Variants in GTPBP10 observed in about 807,000 individuals in gnomAD.
GTPBP10 encodes the protein GTP binding protein 10, also known as GTP-binding protein 10.
Under a neutral mutation model 44.8 loss-of-function variants are expected in GTPBP10, and 38 were observed. The ratio of observed to expected loss-of-function variants is 0.85; its 90% CI spans 0.65 to 1.11. GTPBP10 has a LOEUF of 1.11. Ranked by LOEUF, GTPBP10 falls within the 50% of genes most tolerant of loss-of-function variation. The probability of loss-of-function intolerance (pLI) is 0.00; values close to 1 mark genes in which losing one functional copy is unlikely to be tolerated. For synonymous variants in GTPBP10, 152 were observed against 150.6 expected (o/e 1.01, Z -0.07); for missense variants, 462 against 453.7 (o/e 1.02, Z -0.17).
chr7:90,377,652 T>C (rs775954414), intron 7 of GTPBP10, 38 bp downstream of exon 7: 4 of 1,328,016 alleles, frequency 3.0e-6, no homozygotes, highest in Non-Finnish European at 4.2e-6. Context: ...TTCAAATAAA[T>C]TGAAAACCAG....
intron 1 of GTPBP10, among the ~76,000 whole-genome samples, chr7:90,352,169 G>A (rs573026441): frequency 6.6e-6 from 1 of 152,334 alleles, no homozygotes; most frequent in East Asian, 1.9e-4. Flanking sequence ...GTACTGGAGA[G>A]AAGAGAGTAG....
At chr7:90,346,998 G>C (rs1228992831) in intron 1 of GTPBP10, among the ~76,000 whole-genome samples, 1 of 152,198 alleles carries the variant, frequency 6.6e-6, no homozygotes, top group Non-Finnish European at 1.5e-5. Context: ...GGCAGGGTTT[G>C]AAGTTCTTTA....
intron 3 of GTPBP10, 123 bp downstream of exon 3, chr7:90,354,672 A>T: frequency 1.9e-6 from 1 of 534,968 alleles, no homozygotes; most frequent in Non-Finnish European, 3.3e-6. Flanking sequence ...CTATTCTATA[A>T]GAGAGCATTT....
At chr7:90,354,086 C>T (rs1052914676) in intron 2 of GTPBP10, among the ~76,000 whole-genome samples, 3 of 151,978 alleles carry the variant, frequency 2.0e-5, no homozygotes, top group Non-Finnish European at 4.4e-5. Context: ...CTCCTGCCTC[C>T]GCCTCCCAAA....
chr7:90,354,542 A>G lies in GTPBP10; in HGVS notation c.312A>G (p.Lys104=). 1 of 1,550,948 alleles carries G rather than the reference A, an allele frequency of 6.4e-7. No homozygotes were observed. Among genetic ancestry groups the G allele is most frequent in the African/African-American group, 1.4e-5 (1 of 72,460 alleles). The change falls in exon 3 of 10, where the codon AAA becomes AAG. Residue 104 remains lysine (K), a synonymous_variant. Coordinates refer to ENST00000222511, the MANE Select transcript of GTPBP10 (RefSeq NM_033107.4). Reference sequence around the variant, plus strand: ...TTTCAGTAACTGATGAAAATGGTAAAATTATAGGTGAGTGTACTATAACTC... The same window carrying G: ...TTTCAGTAACTGATGAAAATGGTAAGATTATAGGTGAGTGTACTATAACTC... The part of the protein sequence containing the change: ...VGISVTDENG[K]IIGELNKEND...
chr7:90,390,295 A>AGTT lies in GTPBP10; in HGVS notation c.*5144_*5146dup, dbSNP rs1308745466. The AGTT allele has an allele frequency of 6.6e-6, 1 of 152,196 alleles. No individual in the cohort carries two copies. The highest frequency in any genetic ancestry group is 1.9e-4 in the East Asian group (1 of 5,188). The allele number at this position is 152,196 out of a possible 1,614,324, so 9.4% of individuals were successfully genotyped here. ...TCTCTCTGGATAGCTCAGAAGTATC[A>AGTT]GTTGTGGTTATTGCCTCACTTGGCT... is the stretch of plus-strand genomic sequence containing the variant. On this transcript the variant is annotated 3_prime_UTR_variant, in exon 10 of 10. Coordinates refer to ENST00000222511, the MANE Select transcript of GTPBP10 (RefSeq NM_033107.4).
At chr7:90,346,989 G>T (rs1161462943) in intron 1 of GTPBP10, among the ~76,000 whole-genome samples, 2 of 152,210 alleles carry the variant, frequency 1.3e-5, no homozygotes, top group African/African-American at 4.8e-5. Context: ...GGGGGCAGGG[G>T]CAGGGTTTGA....
At chr7:90,359,582 A>T (rs1309699536) in intron 4 of GTPBP10, among the ~76,000 whole-genome samples, 4 of 152,210 alleles carry the variant, frequency 2.6e-5, no homozygotes, top group Non-Finnish European at 5.9e-5. Flanking sequence ...TGCTATTGTG[A>T]ATAGTGCCAC....
intron 8 of GTPBP10, among the ~76,000 whole-genome samples, chr7:90,380,103 G>T (rs1796409188): frequency 7.3e-6 from 1 of 136,652 alleles, no homozygotes; most frequent in African/African-American, 2.7e-5. Flanking sequence ...TTTTGAGATG[G>T]AGTCTCACTC....
intron 3 of GTPBP10, among the ~76,000 whole-genome samples, chr7:90,354,772 G>A (rs1795862000): frequency 6.6e-6 from 1 of 151,982 alleles, no homozygotes. Context: ...TATATAACTA[G>A]GCTCTTTTCA....
At position 90,352,834 on chromosome 7, in the gene GTPBP10, A is replaced by AGCTT. The variant is rs745590686; in HGVS notation, c.52_53insGCTT (p.Lys18SerfsTer28). ...TTTTAAGTATGGAAATTTCATCGAT[A>AGCTT]AGCTAAGACTCTTCACCAGGGGAGG... On this transcript the variant is annotated frameshift_variant, in exon 2 of 10. Transcript: ENST00000222511. LOFTEE classifies it high-confidence loss of function. 6.3e-7 allele frequency: 1 copy of AGCTT among 1,587,002 alleles called. No homozygotes were observed. The highest frequency in any genetic ancestry group is 8.5e-7 in the Non-Finnish European group (1 of 1,171,656).
rs564385330 is a variant in GTPBP10 at position 90,376,010 on chromosome 7, A to C, written c.592-1497A>C. 1.1e-4 allele frequency among the ~76,000 whole-genome samples: 16 copies of C among 151,226 alleles called. No homozygotes were observed. The South Asian group carries it at 3.1e-3, about 30-fold the overall frequency. ...GGGAGGCCAAGGCAGGCAGATCACG[A>C]GGTTAGGAGATCGAGACCATCCTGG... On this transcript the variant is annotated intron_variant, in intron 6 of 9. Coordinates refer to ENST00000222511, the MANE Select transcript of GTPBP10 (RefSeq NM_033107.4).
At chr7:90,384,819 C>A in intron 9 of GTPBP10, 73 bp from the exon 10 acceptor site, 3 of 1,416,588 alleles carry the variant, frequency 2.1e-6, no homozygotes, top group East Asian at 2.3e-5. Context: ...CTTCACAAAT[C>A]AAACCATTAA....
In GTPBP10 at chr7:90,346,738, A is replaced by G. The variant is rs771932140; in HGVS notation, c.-4A>G. On this transcript the variant is annotated 5_prime_UTR_variant, in exon 1 of 10. Transcript: ENST00000222511. ...GCAAGAAGGTTTCCTGGCCTGTTGC[A>G]GCCATGGTGCATTGCAGTTGCGTGT... 4.3e-6 allele frequency: 7 copies of G among 1,614,106 alleles called. No individual in the cohort carries two copies. Among genetic ancestry groups the G allele is most frequent in the East Asian group, 2.2e-5 (1 of 44,884 alleles).
intron 4 of GTPBP10, among the ~76,000 whole-genome samples, 197 bp downstream of exon 4, chr7:90,355,427 A>G (rs1343683217): frequency 6.6e-6 from 1 of 152,210 alleles, no homozygotes; most frequent in African/African-American, 2.4e-5. Context: ...TTGCTTATTT[A>G]TAAAATTAAG....
intron 5 of GTPBP10, among the ~76,000 whole-genome samples, chr7:90,372,579 A>G (rs1233356337): frequency 6.7e-6 from 1 of 149,494 alleles, no homozygotes; most frequent in Non-Finnish European, 1.5e-5. Context: ...GGCCTTCTAA[A>G]TTGCTGGGTT....
At chr7:90,371,214 T>C in intron 4 of GTPBP10, 9 of 970,374 alleles carry the variant, frequency 9.3e-6, no homozygotes, top group Non-Finnish European at 9.8e-6. Flanking sequence ...ATTAACAGTG[T>C]CTGTCTACCT....
At chr7:90,371,970 G>T (rs1417694248) in intron 4 of GTPBP10, among the ~76,000 whole-genome samples, 185 bp from the exon 5 acceptor site, 1 of 151,862 alleles carries the variant, frequency 6.6e-6, no homozygotes, top group East Asian at 1.9e-4. Flanking sequence ...AACATCTTCA[G>T]TGTCCAGCAT....
At chr7:90,353,269 T>A (rs997754409) in intron 2 of GTPBP10, 1 of 283,246 alleles carries the variant, frequency 3.5e-6, no homozygotes, top group Non-Finnish European at 6.5e-6. Context: ...AACCGATAAT[T>A]ATCTGAATTC....
Sources: allele counts gnomAD v4.1 joint callset (sites outside exome capture counted in the v4.1 genomes callset), GRCh38; gene constraint gnomAD v4.1.1; transcripts MANE v1.5; gene names NCBI Gene and HGNC (gene_info 2026-07-23, HGNC 2026-07-21).